Variants in EDRF1 observed in about 807,000 individuals in gnomAD.
EDRF1 encodes the protein erythroid differentiation-related factor 1.
EDRF1 carries 69 observed loss-of-function variants against 148.7 expected under a neutral mutation model. That is an observed-to-expected ratio of 0.46 (90% CI 0.38 to 0.57). The LOEUF is 0.57. Ranked by LOEUF, EDRF1 falls within the 20% of genes least tolerant of loss-of-function variation. The pLI, the probability that EDRF1 is intolerant of heterozygous loss-of-function variation, is 0.00. For missense variants in EDRF1, 1,118 were observed against 1,478.7 expected (o/e 0.76, Z 4.00); for synonymous variants, 515 against 532.8 (o/e 0.97, Z 0.46).
intron 7 of EDRF1, 77 bp downstream of exon 7, chr10:125,729,181 A>G: frequency 2.0e-6 from 3 of 1,479,100 alleles, no homozygotes; most frequent in Non-Finnish European, 2.7e-6. Flanking sequence ...CTAAGTCGAA[A>G]TTGATAGGGA....
intron 12 of EDRF1, 125 bp from the exon 13 acceptor site, chr10:125,735,519 G>C (rs563774388): frequency 2.2e-6 from 2 of 892,646 alleles, no homozygotes; most frequent in Admixed American, 4.3e-5. Context: ...TTCTGTGTGT[G>C]TTACAGTCTA....
chr10:125,757,012 C>T (rs896370241), intron 24 of EDRF1: 2 of 427,482 alleles, frequency 4.7e-6, no homozygotes, highest in Non-Finnish European at 9.2e-6. Flanking sequence ...GGGGTCTTGC[C>T]ATGTTGCCCA....
chr10:125,741,193 G>C lies in EDRF1; in HGVS notation c.2363G>C (p.Ser788Thr), dbSNP rs762441351. The change falls in exon 17 of 25, where the codon AGT becomes ACT. Residue 788 changes from serine to threonine, a missense_variant. By Grantham distance (58) the Ser-to-Thr change is moderately conservative (BLOSUM62 1). Coordinates refer to ENST00000356792, the MANE Select transcript of EDRF1 (RefSeq NM_001202438.2). ...CTGCATAGCCTTCACAGAGAGTCCA[G>C]TTGCCAAGGTGTGCCACAGGCTTGG... ...EILHSLHRES[S>T]CQGFAWATDL... is the part of the protein sequence containing the mutation. The C allele has an allele frequency of 8.7e-6, 14 of 1,614,200 alleles. No individual in the cohort carries two copies. The South Asian group carries it at 1.3e-4, about 15-fold the overall frequency.
At chr10:125,742,281 C>G (rs1031857221) in intron 17 of EDRF1, 25 of 1,288,874 alleles carry the variant, frequency 1.9e-5, no homozygotes, top group Non-Finnish European at 2.5e-5. Context: ...CCTCTTACCT[C>G]AGCACAGTGT....
At chr10:125,748,122 G>A (rs1849460771) in intron 21 of EDRF1, 110 bp downstream of exon 21, 2 of 1,325,638 alleles carry the variant, frequency 1.5e-6, no homozygotes, top group African/African-American at 1.4e-5. Flanking sequence ...CCACTCAGGT[G>A]AACTGCTGTC....
chr10:125,757,093 A>G (rs561365778), intron 24 of EDRF1: 9 of 415,782 alleles, frequency 2.2e-5, no homozygotes, highest in African/African-American at 1.0e-4. Context: ...GATTACAAGT[A>G]TGAGCCACTG....
Position 125,763,179 on chromosome 10 carries a change from G to A in EDRF1, c.3546-122G>A. ...AGGCAGGTCTGAACCCGGCAGGAGAGGAATGCCTGCTGCTCTGTGAAGAGT... is the reference window on the plus strand; with the variant it reads ...AGGCAGGTCTGAACCCGGCAGGAGAAGAATGCCTGCTGCTCTGTGAAGAGT... On this transcript the variant is annotated intron_variant, in intron 24 of 24. Transcript: ENST00000356792. The surrounding 1 kb of genome is among the most constrained non-coding windows in gnomAD (Gnocchi z 4.3). 1 of 971,022 alleles carries A rather than the reference G, an allele frequency of 1.0e-6. No individual in the cohort carries two copies. Among genetic ancestry groups the A allele is most frequent in the Non-Finnish European group, 1.6e-6 (1 of 615,648 alleles). 60.2% of individuals were successfully genotyped at this position (971,022 alleles called of 1,614,324 possible). A position where few individuals can be genotyped will look rare whatever the true frequency, so the allele number is the denominator to read the frequency against.
intron 23 of EDRF1, 67 bp downstream of exon 23, chr10:125,752,981 G>A: frequency 9.0e-7 from 1 of 1,114,312 alleles, no homozygotes; most frequent in Non-Finnish European, 1.4e-6. Context: ...TGTATATAGT[G>A]GACGTGTGTG....
At chr10:125,724,686 T>G (rs1254719604) in intron 4 of EDRF1, among the ~76,000 whole-genome samples, 1 of 152,230 alleles carries the variant, frequency 6.6e-6, no homozygotes, top group Non-Finnish European at 1.5e-5. Context: ...TGTATGTTGG[T>G]AAGGACTGTT....
chr10:125,751,404 G>GTTTTTT (rs60964364), intron 22 of EDRF1, among the ~76,000 whole-genome samples: 14 of 140,680 alleles, frequency 1.0e-4, no homozygotes, highest in African/African-American at 1.1e-4. Context: ...TTTACCCAGT[G>GTTTTTT]TTTTTTTTTT....
intron 9 of EDRF1, among the ~76,000 whole-genome samples, chr10:125,732,323 A>G (rs1848514969): frequency 6.6e-6 from 1 of 152,232 alleles, no homozygotes; most frequent in Admixed American, 6.5e-5. Context: ...TTTAGGGACT[A>G]GAATAATGGT....
At chr10:125,740,904 A>AAGCGTTC in intron 16 of EDRF1, 97 bp from the exon 17 acceptor site, 1 of 1,310,192 alleles carries the variant, frequency 7.6e-7, no homozygotes, top group African/African-American at 1.5e-5. Context: ...CAGTGCTACA[A>AAGCGTTC]AGCGTTCAGC....
chr10:125,744,820 T>G (rs1849253445), intron 18 of EDRF1: 1 of 152,260 alleles, frequency 6.6e-6, no homozygotes, highest in Admixed American at 6.5e-5. Flanking sequence ...CCTTGGAGGA[T>G]GCGTTCCAAG....
intron 24 of EDRF1, among the ~76,000 whole-genome samples, chr10:125,760,667 G>C (rs1035623616): frequency 6.6e-6 from 1 of 152,148 alleles, no homozygotes; most frequent in African/African-American, 2.4e-5. Flanking sequence ...CTCTGCCACA[G>C]GCTTAGTTGT....
At chr10:125,731,854 G>T (rs1848489601) in intron 9 of EDRF1, 1 of 451,788 alleles carries the variant, frequency 2.2e-6, no homozygotes, top group African/African-American at 2.0e-5. Context: ...TACCTTATTT[G>T]ATCTTCTTAG....
At chr10:125,751,450 C>A (rs1294092005) in intron 22 of EDRF1, among the ~76,000 whole-genome samples, 1 of 150,812 alleles carries the variant, frequency 6.6e-6, no homozygotes, top group Non-Finnish European at 1.5e-5. Context: ...TTCAGACCTC[C>A]CTTCCTAATG....
intron 24 of EDRF1, among the ~76,000 whole-genome samples, chr10:125,759,021 A>G (rs998458534): frequency 1.3e-5 from 2 of 152,032 alleles, no homozygotes; most frequent in Non-Finnish European, 2.9e-5. Flanking sequence ...TTTGTTTCAT[A>G]GAGGAGAAGG....
intron 4 of EDRF1, among the ~76,000 whole-genome samples, chr10:125,724,879 A>T (rs1208819410): frequency 6.6e-6 from 1 of 152,214 alleles, no homozygotes; most frequent in African/African-American, 2.4e-5. Context: ...GGTAAATGAC[A>T]TTTAAAATAA....
At chr10:125,762,177 C>T (rs1472828420) in intron 24 of EDRF1, among the ~76,000 whole-genome samples, 1 of 152,192 alleles carries the variant, frequency 6.6e-6, no homozygotes, top group Non-Finnish European at 1.5e-5. Context: ...GGGAAGGGAG[C>T]TCTGCATGCT....
Sources: gnomAD v4.1 joint callset for allele counts (sites outside exome capture counted in the v4.1 genomes callset) on GRCh38, gnomAD v4.1.1 for gene constraint, Gnocchi (gnomAD v3.1) non-coding constraint, MANE v1.5 for transcripts, NCBI Gene and HGNC (gene_info 2026-07-23, HGNC 2026-07-21) for gene names.